Variants in STXBP4 observed in about 807,000 individuals in gnomAD.
STXBP4 encodes syntaxin-binding protein 4.
A neutral mutation model predicts 76.1 loss-of-function variants in STXBP4; 55 were observed. The ratio of observed to expected loss-of-function variants is 0.72; its 90% CI spans 0.58 to 0.91. STXBP4 has a LOEUF of 0.91. Ranked by LOEUF, STXBP4 falls within the 40% of genes least tolerant of loss-of-function variation. The pLI, the probability that STXBP4 is intolerant of heterozygous loss-of-function variation, is 0.00. For synonymous variants in STXBP4, 201 were observed against 220.2 expected, an observed-to-expected ratio of 0.91 and a Z score of 0.77; for missense variants, 618 against 636.9, an observed-to-expected ratio of 0.97 and a Z score of 0.32.
chr17:55,050,815 G>T (rs1011558320), intron 12 of STXBP4, among the ~76,000 whole-genome samples: 3 of 151,958 alleles, frequency 2.0e-5, no homozygotes, highest in Non-Finnish European at 4.4e-5. Flanking sequence ...TTACAGGTGT[G>T]CACCACCATG....
chr17:55,211,495 T>G, the STXBP4 span, among the ~76,000 whole-genome samples: 1 of 152,338 alleles, frequency 6.6e-6, no homozygotes, highest in African/African-American at 2.4e-5. Context: ...TTCCTGTTAT[T>G]TGTAAATTTT....
At chr17:55,104,107 A>T (rs959505944) in intron 16 of STXBP4, among the ~76,000 whole-genome samples, 2 of 152,158 alleles carry the variant, frequency 1.3e-5, no homozygotes, top group Admixed American at 1.3e-4. Flanking sequence ...TCCTATTCGA[A>T]TACCCTTTAT....
At chr17:55,180,043 G>A in the STXBP4 span, among the ~76,000 whole-genome samples, 1 of 152,174 alleles carries the variant, frequency 6.6e-6, no homozygotes, top group Non-Finnish European at 1.5e-5. Context: ...TGGTGGTGGA[G>A]TGAGAAAGAG....
Position 55,113,217 on chromosome 17 carries a change from C to CCACACA in STXBP4, c.1490-28053_1490-28048dup, listed in dbSNP as rs10611316. Among the ~76,000 whole-genome samples the CCACACA allele has an allele frequency of 8.5e-3, 1,198 of 141,398 alleles. 10 individuals carry two copies. The highest frequency in any genetic ancestry group is 0.013 in the African/African-American group (504 of 38,130). 92.8% of individuals were successfully genotyped at this position (141,398 alleles called of 152,430 possible). On this transcript the variant is annotated intron_variant, in intron 16 of 17. Coordinates refer to ENST00000376352, the MANE Select transcript of STXBP4 (RefSeq NM_178509.6). ...GGAGAGTAGATTTTAGGTGCTCTTA[C>CCACACA]CACACACACACACACACACACACAC...
At chr17:55,114,018 A>C (rs1397880519) in intron 16 of STXBP4, among the ~76,000 whole-genome samples, 1 of 151,996 alleles carries the variant, frequency 6.6e-6, no homozygotes, top group Non-Finnish European at 1.5e-5. Flanking sequence ...ATTTTTTATA[A>C]GCTTATTCAT....
intron 12 of STXBP4, among the ~76,000 whole-genome samples, chr17:55,064,409 A>G (rs2079025329): frequency 6.6e-6 from 1 of 151,444 alleles, no homozygotes; most frequent in African/African-American, 2.4e-5. Context: ...CCCTTTCACT[A>G]CTGTAATTAT....
Position 55,167,341 on chromosome 17 carries a change from TAAA to T in STXBP4, c.*7434_*7436del, listed in dbSNP as rs1224022568. 6.6e-6 allele frequency: 1 copy of T among 152,162 alleles called. No homozygotes were observed. Among genetic ancestry groups the T allele is most frequent in the Non-Finnish European group, 1.5e-5 (1 of 68,014 alleles). The allele number at this position is 152,162 out of a possible 1,614,324, so 9.4% of individuals were successfully genotyped here. ...ATAAATTTAAAATGTAACATTAACA[TAAA>T]AAACTCTTTTAGCTGTTTCCTGCTT... On this transcript the variant is annotated 3_prime_UTR_variant, in exon 18 of 18. Coordinates refer to ENST00000376352, the MANE Select transcript of STXBP4 (RefSeq NM_178509.6).
chr17:54,976,244 C>T (rs1287651282), intron 1 of STXBP4, among the ~76,000 whole-genome samples: 1 of 152,212 alleles, frequency 6.6e-6, no homozygotes, highest in Non-Finnish European at 1.5e-5. Context: ...AAGACTAAGA[C>T]TTTCTTTGAA....
intron 16 of STXBP4, among the ~76,000 whole-genome samples, chr17:55,082,558 A>C (rs1316486275): frequency 1.3e-5 from 2 of 152,162 alleles, no homozygotes. Context: ...TCTTTGTTGC[A>C]CAGGACCGTT....
At chr17:55,191,143 G>A in the STXBP4 span, among the ~76,000 whole-genome samples, 2 of 152,114 alleles carry the variant, frequency 1.3e-5, no homozygotes, top group Non-Finnish European at 2.9e-5. Flanking sequence ...TTATACAGAT[G>A]AGGAAGCTGA....
intron 12 of STXBP4, among the ~76,000 whole-genome samples, chr17:55,049,467 A>G (rs1235324369): frequency 6.6e-6 from 1 of 152,034 alleles, no homozygotes; most frequent in East Asian, 1.9e-4. Flanking sequence ...AACAGAATAC[A>G]TCATTTTGTT....
intron 17 of STXBP4, among the ~76,000 whole-genome samples, chr17:55,144,553 T>C (rs2080130919): frequency 6.6e-6 from 1 of 152,192 alleles, no homozygotes; most frequent in Non-Finnish European, 1.5e-5. Context: ...TCAGTGTCCC[T>C]GTTCCTCTCC....
chr17:55,104,310 A>G (rs2079603031), intron 16 of STXBP4, among the ~76,000 whole-genome samples: 1 of 152,194 alleles, frequency 6.6e-6, no homozygotes, highest in Admixed American at 6.5e-5. Context: ...ATCAATACCT[A>G]GTTTATTGGG....
At chr17:55,062,332 A>G (rs1277531827) in intron 12 of STXBP4, among the ~76,000 whole-genome samples, 3 of 152,156 alleles carry the variant, frequency 2.0e-5, no homozygotes, top group Admixed American at 2.0e-4. Flanking sequence ...GAGTAAGAAC[A>G]TGCAGTGTTT....
chr17:55,072,029 C>A (rs1009153885), intron 12 of STXBP4, among the ~76,000 whole-genome samples: 1 of 152,134 alleles, frequency 6.6e-6, no homozygotes, highest in Non-Finnish European at 1.5e-5. Context: ...TTTGATAGAG[C>A]AAGTGGTTTT....
the STXBP4 span, among the ~76,000 whole-genome samples, chr17:55,179,269 G>A: frequency 5.9e-5 from 9 of 151,978 alleles, no homozygotes; most frequent in African/African-American, 1.7e-4. Flanking sequence ...ATATATGATA[G>A]CAATTCAGAA....
At chr17:55,089,007 A>G (rs1405620181) in intron 16 of STXBP4, among the ~76,000 whole-genome samples, 1 of 152,218 alleles carries the variant, frequency 6.6e-6, no homozygotes, top group Non-Finnish European at 1.5e-5. Flanking sequence ...TTCCTTAGAG[A>G]TGCTCCACAG....
At chr17:55,004,917 T>C (rs1239226049) in intron 7 of STXBP4, among the ~76,000 whole-genome samples, 1 of 152,142 alleles carries the variant, frequency 6.6e-6, no homozygotes, top group Admixed American at 6.5e-5. Flanking sequence ...AGAGATGTCA[T>C]TGGCAGATGA....
At position 54,985,637 on chromosome 17, in the gene STXBP4, G is replaced by A. The variant is rs1440777848; in HGVS notation, c.-133G>A. The A allele has an allele frequency of 6.6e-6, 1 of 152,178 alleles. No homozygotes were observed. The allele number at this position is 152,178 out of a possible 1,614,324, so 9.4% of individuals were successfully genotyped here. A position where few individuals can be genotyped will look rare whatever the true frequency, so the allele number is the denominator to read the frequency against. ...AGGAAAGCCATTTAAGAAGTTCCTG[G>A]AATAATATTAGTCAGAGTAATATAG... On this transcript the variant is annotated 5_prime_UTR_variant, in exon 2 of 18. Transcript: ENST00000376352.
Sources: gnomAD v4.1 joint callset for allele counts (sites outside exome capture counted in the v4.1 genomes callset) on GRCh38, gnomAD v4.1.1 for gene constraint, MANE v1.5 for transcripts, NCBI Gene and HGNC (gene_info 2026-07-23, HGNC 2026-07-21) for gene names.